Variants in ZDHHC2 observed in about 807,000 individuals in gnomAD.
ZDHHC2 encodes the protein palmitoyltransferase ZDHHC2.
In ZDHHC2, 51 loss-of-function variants were observed where a neutral mutation model predicts 55.6. The ratio of observed to expected loss-of-function variants is 0.92; its 90% CI spans 0.73 to 1.16. The LOEUF is 1.16. ZDHHC2 is among the 50% of genes most tolerant of loss of function. The pLI, the probability that ZDHHC2 is intolerant of heterozygous loss-of-function variation, is 0.00. For missense variants in ZDHHC2, 491 were observed against 442.4 expected (o/e 1.11, Z -0.99); for synonymous variants, 199 against 152.9 (o/e 1.30, Z -2.22).
At position 17,221,794 on chromosome 8, in the gene ZDHHC2, C is replaced by A. The variant is rs1444341723; in HGVS notation, c.*1573C>A. On this transcript the variant is annotated 3_prime_UTR_variant, in exon 13 of 13. Transcript: ENST00000262096. ...AGATTTGTATTATGCTGAAGAGTTT[C>A]ATCTGACAATCTGCTTCAAGAAATC... 1 of 152,344 alleles carries A rather than the reference C, an allele frequency of 6.6e-6. No individual in the cohort carries two copies. Among genetic ancestry groups the A allele is most frequent in the Admixed American group, 6.6e-5 (1 of 15,254 alleles). The allele number at this position is 152,344 out of a possible 1,614,324, so 9.4% of individuals were successfully genotyped here.
intron 7 of ZDHHC2, among the ~76,000 whole-genome samples, chr8:17,206,081 C>G (rs1489780862): frequency 6.6e-6 from 1 of 152,154 alleles, no homozygotes; most frequent in Non-Finnish European, 1.5e-5. Context: ...CTTCAGCTCT[C>G]ATACTATAAA....
At chr8:17,158,371 C>T (rs904147621) in intron 1 of ZDHHC2, among the ~76,000 whole-genome samples, 2 of 152,114 alleles carry the variant, frequency 1.3e-5, no homozygotes, top group Non-Finnish European at 2.9e-5. Context: ...GAAGGGACAT[C>T]CTAGAAGGCC....
intron 1 of ZDHHC2, among the ~76,000 whole-genome samples, chr8:17,180,959 C>G (rs1805401986): frequency 1.3e-5 from 2 of 152,122 alleles, no homozygotes; most frequent in African/African-American, 4.8e-5. Flanking sequence ...GCCAGTATCT[C>G]CCTCAGCTTT....
chr8:17,217,662 A>C (rs1371768394), intron 12 of ZDHHC2, among the ~76,000 whole-genome samples: 1 of 152,192 alleles, frequency 6.6e-6, no homozygotes, highest in South Asian at 2.1e-4. Context: ...GTCGAAGTGC[A>C]ATATAATTAT....
In ZDHHC2 at chr8:17,210,125, G is replaced by A. The variant is rs1027120833; in HGVS notation, c.857+67G>A. 6.6e-6 allele frequency: 10 copies of A among 1,508,272 alleles called. No individual in the cohort carries two copies. In the Admixed American group the frequency reaches 2.3e-4, roughly 35 times the overall value. The allele number at this position is 1,508,272 out of a possible 1,614,324, so 93.4% of individuals were successfully genotyped here. A position where few individuals can be genotyped will look rare whatever the true frequency, so the allele number is the denominator to read the frequency against. On this transcript the variant is annotated intron_variant, in intron 9 of 12. Coordinates refer to ENST00000262096, the MANE Select transcript of ZDHHC2 (RefSeq NM_016353.5). ...ATAATACAGCAAAAGATAGTTTCAG[G>A]AAAAGCCTCTAGTTCCATAGGCTTG...
chr8:17,194,225 C>T (rs1028447865), intron 3 of ZDHHC2, among the ~76,000 whole-genome samples: 1 of 151,980 alleles, frequency 6.6e-6, no homozygotes, highest in Non-Finnish European at 1.5e-5. Flanking sequence ...CCGCAATAAA[C>T]ATATGTGTGC....
At chr8:17,204,691 G>A (rs1807007660) in intron 6 of ZDHHC2, among the ~76,000 whole-genome samples, 1 of 152,086 alleles carries the variant, frequency 6.6e-6, no homozygotes, top group Non-Finnish European at 1.5e-5. Flanking sequence ...AGAAGGCTAA[G>A]CAAAACAACT....
intron 7 of ZDHHC2, 51 bp from the exon 8 acceptor site, chr8:17,207,909 G>A: frequency 6.1e-6 from 8 of 1,307,906 alleles, no homozygotes; most frequent in South Asian, 2.5e-5. Context: ...TAAAAGTAGG[G>A]GAATACATAT....
intron 1 of ZDHHC2, among the ~76,000 whole-genome samples, chr8:17,161,277 A>T (rs1346712415): frequency 6.6e-6 from 1 of 152,176 alleles, no homozygotes; most frequent in Non-Finnish European, 1.5e-5. Flanking sequence ...CTTGTTATTG[A>T]TTTTAAACTG....
chr8:17,210,125 G>C (rs1027120833), intron 9 of ZDHHC2, 67 bp downstream of exon 9: 1 of 1,508,272 alleles, frequency 6.6e-7, no homozygotes, highest in Non-Finnish European at 8.9e-7. Flanking sequence ...ATAGTTTCAG[G>C]AAAAGCCTCT....
At chr8:17,174,822 C>T (rs948625235) in intron 1 of ZDHHC2, among the ~76,000 whole-genome samples, 1 of 151,428 alleles carries the variant, frequency 6.6e-6, no homozygotes, top group African/African-American at 2.4e-5. Context: ...GGGATCCTCC[C>T]ACCTCAGCCT....
In ZDHHC2 at chr8:17,207,964, G is replaced by T; in HGVS notation, c.602G>T (p.Gly201Val). ...ATTTTCTTCCTTTCTTTATAGAATG[G>T]CCTACCTGATACTCAAGCCAAGTTC... The part of the protein sequence containing the change: ...LQYFIKFWTN[G>V]LPDTQAKFHI... Residue 201 changes from glycine to valine, a missense_variant, in exon 8 of 13, where the codon GGC becomes GTC. By Grantham distance (109) the Gly-to-Val change is moderately radical. Transcript: ENST00000262096. 2 of 1,548,502 alleles carry T rather than the reference G, an allele frequency of 1.3e-6. No homozygotes were observed. Among genetic ancestry groups the T allele is most frequent in the South Asian group, 1.3e-5 (1 of 79,420 alleles).
At position 17,197,604 on chromosome 8, in the gene ZDHHC2, C is replaced by A; in HGVS notation, c.396C>A (p.Cys132Ter). Residue 132 changes from cysteine (C) to a stop codon, truncating the protein, a stop_gained, in exon 5 of 13, where the codon TGC (cysteine) becomes TGA (stop). Coordinates refer to ENST00000262096, the MANE Select transcript of ZDHHC2 (RefSeq NM_016353.5). LOFTEE classifies it high-confidence loss of function. ...TAGCCATCCGATACTGTGACAGATG[C>A]CAACTTATAAAACCAGATCGCTGCC... ...MSGAIRYCDR[C>*]QLIKPDRCHH... 1.2e-6 allele frequency: 2 copies of A among 1,613,708 alleles called. No individual in the cohort carries two copies. The highest frequency in any genetic ancestry group is 1.7e-6 in the Non-Finnish European group (2 of 1,179,706).
chr8:17,175,805 C>G (rs1805098906), intron 1 of ZDHHC2, among the ~76,000 whole-genome samples: 1 of 152,140 alleles, frequency 6.6e-6, no homozygotes, highest in Non-Finnish European at 1.5e-5. Context: ...AATGTATTGC[C>G]ATAGTGTCTG....
At chr8:17,204,962 T>C (rs868845773) in intron 6 of ZDHHC2, among the ~76,000 whole-genome samples, 1 of 152,210 alleles carries the variant, frequency 6.6e-6, no homozygotes, top group African/African-American at 2.4e-5. Flanking sequence ...GAGTGAGAAC[T>C]GAGATTTATA....
rs918532474 is a variant in ZDHHC2 at position 17,197,758 on chromosome 8, C to G, written c.443+107C>G. 5.7e-6 allele frequency: 7 copies of G among 1,229,584 alleles called. No homozygotes were observed. In the Admixed American group the frequency reaches 1.4e-4, roughly 25 times the overall value. The allele number at this position is 1,229,584 out of a possible 1,614,324, so 76.2% of individuals were successfully genotyped here. A position where few individuals can be genotyped will look rare whatever the true frequency, so the allele number is the denominator to read the frequency against. On this transcript the variant is annotated intron_variant, in intron 5 of 12. Transcript: ENST00000262096. ...GATTATCTTCTCCATATTCTCGCTT[C>G]TCAGCCCTTGATTTAGGAAATGGAG...
At chr8:17,178,843 TA>T (rs1175290570) in intron 1 of ZDHHC2, among the ~76,000 whole-genome samples, 2 of 152,244 alleles carry the variant, frequency 1.3e-5, no homozygotes, top group Non-Finnish European at 2.9e-5. Flanking sequence ...AAGGATTTCT[TA>T]AAAAACAATT....
At position 17,156,769 on chromosome 8, in the gene ZDHHC2, C is replaced by T. The variant is rs780000519; in HGVS notation, c.46C>T (p.Arg16Trp). 5.3e-6 allele frequency: 8 copies of T among 1,509,418 alleles called. No homozygotes were observed. Among genetic ancestry groups the T allele is most frequent in the African/African-American group, 2.9e-5 (2 of 69,376 alleles). 93.5% of individuals were successfully genotyped at this position (1,509,418 alleles called of 1,614,324 possible). A position where few individuals can be genotyped will look rare whatever the true frequency, so the allele number is the denominator to read the frequency against. The change falls in exon 1 of 13, where the codon CGG becomes TGG. Residue 16 changes from arginine (R) to tryptophan (W), a missense_variant. Arg to Trp is a moderately radical substitution (Grantham distance 101). Coordinates refer to ENST00000262096, the MANE Select transcript of ZDHHC2 (RefSeq NM_016353.5). The part of the protein sequence containing the change: ...PGSSARRRCR[R>W]VLYWIPVVFI... Reference sequence around the variant, plus strand: ...CAGCAGCGCCAGGCGGCGGTGCCGGCGGGTGCTGTACTGGATCCCGGTGGT... The same window carrying T: ...CAGCAGCGCCAGGCGGCGGTGCCGGTGGGTGCTGTACTGGATCCCGGTGGT...
intron 6 of ZDHHC2, among the ~76,000 whole-genome samples, chr8:17,204,821 TATAA>T (rs1372061340): frequency 6.6e-6 from 1 of 151,954 alleles, no homozygotes; most frequent in Admixed American, 6.5e-5. Flanking sequence ...TAAAATAAAA[TATAA>T]ATAAATAATT....
Sources: gnomAD v4.1 joint callset for allele counts (sites outside exome capture counted in the v4.1 genomes callset) on GRCh38, gnomAD v4.1.1 for gene constraint, MANE v1.5 for transcripts, NCBI Gene and HGNC (gene_info 2026-07-23, HGNC 2026-07-21) for gene names.